Variants in PAFAH1B1 observed in about 807,000 individuals in gnomAD.
PAFAH1B1 encodes platelet activating factor acetylhydrolase 1b regulatory subunit 1.
A neutral mutation model predicts 57.5 loss-of-function variants in PAFAH1B1; 2 were observed. The observed-to-expected ratio is 0.03, with a 90% confidence interval of 0.01 to 0.11. The LOEUF (loss-of-function observed/expected upper bound fraction) is 0.11. PAFAH1B1 is among the 10% of genes least tolerant of loss of function. PAFAH1B1 has a pLI of 1.00. For synonymous variants in PAFAH1B1, 152 were observed against 169.6 expected (o/e 0.90, Z 0.81); for missense variants, 257 against 512.0 (o/e 0.50, Z 4.81).
At chr17:2,655,217 T>TG (rs2068921889) in intron 2 of PAFAH1B1, among the ~76,000 whole-genome samples, 1 of 129,150 alleles carries the variant, frequency 7.7e-6, no homozygotes, top group South Asian at 2.4e-4. Flanking sequence ...GTGTGTGTGT[T>TG]TATAAGAGTG....
chr17:2,629,415 T>C (rs905841027), intron 1 of PAFAH1B1, among the ~76,000 whole-genome samples: 9 of 152,238 alleles, frequency 5.9e-5, no homozygotes, highest in Admixed American at 5.2e-4. Flanking sequence ...AAGGTTCATT[T>C]TGGAGTTTAT....
chr17:2,641,376 C>T (rs941539936), intron 2 of PAFAH1B1: 1 of 152,192 alleles, frequency 6.6e-6, no homozygotes, highest in Admixed American at 6.5e-5. Context: ...CCAGGCTGGT[C>T]TTGAACTCCT....
intron 1 of PAFAH1B1, among the ~76,000 whole-genome samples, chr17:2,620,786 T>C (rs1175751429): frequency 3.3e-5 from 5 of 151,930 alleles, no homozygotes; most frequent in Admixed American, 2.6e-4. Context: ...CACTTGAACC[T>C]GGGAGGCAGA....
intron 2 of PAFAH1B1, among the ~76,000 whole-genome samples, chr17:2,656,272 T>C (rs2068935188): frequency 6.6e-6 from 1 of 152,082 alleles, no homozygotes; most frequent in South Asian, 2.1e-4. Context: ...GACAACATAT[T>C]GAGACCCTAT....
intron 2 of PAFAH1B1, among the ~76,000 whole-genome samples, chr17:2,651,747 G>A (rs1291390211): frequency 6.6e-6 from 1 of 152,130 alleles, no homozygotes; most frequent in African/African-American, 2.4e-5. Context: ...ACTTGGTAGA[G>A]GGTGCCATAT....
chr17:2,650,267 T>A (rs2068830517), intron 2 of PAFAH1B1, among the ~76,000 whole-genome samples: 1 of 151,884 alleles, frequency 6.6e-6, no homozygotes. Flanking sequence ...ATCCCAACAC[T>A]TTGGGAGGCC....
intron 1 of PAFAH1B1, among the ~76,000 whole-genome samples, chr17:2,623,445 A>T (rs1257026904): frequency 6.6e-6 from 1 of 151,242 alleles, no homozygotes; most frequent in Non-Finnish European, 1.5e-5. Flanking sequence ...TTTTTAGTAG[A>T]GACAGGGTTT....
At chr17:2,600,364 G>A (rs2068127422) in intron 1 of PAFAH1B1, among the ~76,000 whole-genome samples, 1 of 151,956 alleles carries the variant, frequency 6.6e-6, no homozygotes, top group Non-Finnish European at 1.5e-5. Flanking sequence ...GTGATCAGGA[G>A]TTCCAGACCA....
intron 1 of PAFAH1B1, chr17:2,614,029 T>TTTTTG (rs1555521520): frequency 7.0e-6 from 1 of 143,388 alleles, no homozygotes; most frequent in Non-Finnish European, 1.5e-5. Flanking sequence ...GGGTTTTTTT[T>TTTTTG]TTTTTTTTTT....
At chr17:2,663,887 G>A (rs1011771547) in intron 2 of PAFAH1B1, among the ~76,000 whole-genome samples, 46 of 151,964 alleles carry the variant, frequency 3.0e-4, no homozygotes, top group African/African-American at 1.0e-3. Flanking sequence ...TAGAGATGGA[G>A]TTTCACCATG....
intron 10 of PAFAH1B1, 114 bp from the exon 11 acceptor site, chr17:2,681,615 C>A (rs2151675231): frequency 2.6e-6 from 2 of 780,238 alleles, no homozygotes; most frequent in East Asian, 5.4e-5. Flanking sequence ...GCACACACTA[C>A]CATGCCCGGC....
In PAFAH1B1 at chr17:2,683,129, A is replaced by T. The variant is rs2069410507; in HGVS notation, c.*1327A>T. On this transcript the variant is annotated 3_prime_UTR_variant, in exon 11 of 11. Coordinates refer to ENST00000397195, the MANE Select transcript of PAFAH1B1 (RefSeq NM_000430.4). The stretch of plus-strand genomic sequence containing the variant: ...ATTTTTTTCCAGCCGAAGGAAAATC[A>T]CTTCCGTTATGTCCCCCTCTAATTT... The T allele has an allele frequency of 6.6e-6, 1 of 152,222 alleles. No individual in the cohort carries two copies. Among genetic ancestry groups the T allele is most frequent in the Non-Finnish European group, 1.5e-5 (1 of 68,028 alleles). The allele number at this position is 152,222 out of a possible 1,614,324, so 9.4% of individuals were successfully genotyped here. A position where few individuals can be genotyped will look rare whatever the true frequency, so the allele number is the denominator to read the frequency against.
At chr17:2,642,681 A>C (rs2068712129) in intron 2 of PAFAH1B1, among the ~76,000 whole-genome samples, 1 of 152,212 alleles carries the variant, frequency 6.6e-6, no homozygotes, top group Non-Finnish European at 1.5e-5. Context: ...ACATCCGGGA[A>C]AGGATTGAGA....
At chr17:2,594,116 C>G (rs1322465346) in intron 1 of PAFAH1B1, 110 bp downstream of exon 1, 11 of 396,606 alleles carry the variant, frequency 2.8e-5, no homozygotes, top group Non-Finnish European at 4.9e-5. Flanking sequence ...CCCCTCCCTC[C>G]CATTCTCCCC....
chr17:2,641,523 A>G (rs752691768), intron 2 of PAFAH1B1: 1 of 151,920 alleles, frequency 6.6e-6, no homozygotes. Context: ...ATTCATTACT[A>G]TTCTCACTGT....
At chr17:2,608,405 G>A (rs1373834011) in intron 1 of PAFAH1B1, among the ~76,000 whole-genome samples, 9 of 152,148 alleles carry the variant, frequency 5.9e-5, no homozygotes, top group Admixed American at 5.9e-4. Flanking sequence ...TTTTCTTTAT[G>A]TTTAGACTAC....
intron 1 of PAFAH1B1, among the ~76,000 whole-genome samples, chr17:2,594,303 C>G (rs1008340246): frequency 6.6e-6 from 1 of 152,246 alleles, no homozygotes; most frequent in East Asian, 1.9e-4. Context: ...CTGCGACCCC[C>G]GCCCCGCGGC....
intron 8 of PAFAH1B1, 83 bp downstream of exon 8, chr17:2,674,371 GCTGTT>G: frequency 1.0e-6 from 1 of 969,214 alleles, no homozygotes; most frequent in Non-Finnish European, 1.7e-6. Flanking sequence ...CTGTTTCAGG[GCTGTT>G]AATGCATTTA....
intron 1 of PAFAH1B1, among the ~76,000 whole-genome samples, chr17:2,628,787 C>T (rs2068522867): frequency 6.6e-6 from 1 of 152,038 alleles, no homozygotes; most frequent in Non-Finnish European, 1.5e-5. Flanking sequence ...GTCTGTTCAG[C>T]GTATCTAATT....
Sources: allele counts gnomAD v4.1 joint callset (sites outside exome capture counted in the v4.1 genomes callset), GRCh38; gene constraint gnomAD v4.1.1; transcripts MANE v1.5; gene names NCBI Gene and HGNC (gene_info 2026-07-23, HGNC 2026-07-21).